FAM133A: variants seen among roughly 807,000 people sequenced by gnomAD.
The protein encoded by FAM133A is family with sequence similarity 133 member A, also known as protein FAM133A.
For synonymous variants in FAM133A, 65 were observed against 58.6 expected (o/e 1.11, Z -0.50); for missense variants, 159 against 164.4 (o/e 0.97, Z 0.18).
At position 93,709,528 on chromosome X, in the gene FAM133A, C is replaced by A; in HGVS notation, c.109C>A (p.Pro37Thr). The A allele has an allele frequency of 8.3e-7, 1 of 1,207,736 alleles. No individual in the cohort carries two copies. The highest frequency in any genetic ancestry group is 1.1e-6 in the Non-Finnish European group (1 of 894,004). ...GPTIQDYLNR[P>T]RPTWEEVKKQ... ...AACAATCCAAGATTATCTAAATCGA[C>A]CAAGACCCACCTGGGAAGAAGTAAA... The change falls in exon 4 of 4, where the codon CCA becomes ACA. Residue 37 changes from proline (P) to threonine (T), a missense_variant. Physicochemically the swap from Pro to Thr is conservative, Grantham distance 38. Coordinates refer to ENST00000683942, the MANE Select transcript of FAM133A (RefSeq NM_001171109.2).
intron 2 of FAM133A, among the ~76,000 whole-genome samples, chrX:93,688,500 A>T (rs1374359684): frequency 1.8e-5 from 2 of 111,382 alleles, no homozygotes; most frequent in Admixed American, 1.9e-4. Flanking sequence ...CATATAGATT[A>T]TAAACCCCTT....
At chrX:93,681,282 A>ATTCT (rs1925130377) in intron 2 of FAM133A, among the ~76,000 whole-genome samples, 1 of 66,263 alleles carries the variant, frequency 1.5e-5, no homozygotes, top group African/African-American at 5.6e-5. Flanking sequence ...TCTTAGATAT[A>ATTCT]TTCTGTCTAT....
chrX:93,685,093 C>T (rs1016832681), intron 2 of FAM133A, among the ~76,000 whole-genome samples: 14 of 111,908 alleles, frequency 1.3e-4, no homozygotes, highest in Admixed American at 1.9e-4. Context: ...TACTGTCCTG[C>T]TCTCCATTAT....
rs759308634 is a variant in FAM133A, at chrX:93,690,995, C to A, written c.-192-7402C>A. 2.9e-3 allele frequency among the ~76,000 whole-genome samples: 325 copies of A among 111,582 alleles called. 1 individual carries two copies. The highest frequency in any genetic ancestry group is 0.01 in the African/African-American group (314 of 30,835). On this transcript the variant is annotated intron_variant, in intron 2 of 3. Transcript: ENST00000683942. Reference sequence around the variant, plus strand: ...TGTTTTCTTTGAAGAAATATTTATTCAAGTTATTTGCCAATTTTTAATTTT... The same window carrying A: ...TGTTTTCTTTGAAGAAATATTTATTAAAGTTATTTGCCAATTTTTAATTTT...
chrX:93,707,221 C>T (rs1285077080), intron 3 of FAM133A, among the ~76,000 whole-genome samples: 1 of 111,434 alleles, frequency 9.0e-6, no homozygotes, highest in African/African-American at 3.3e-5. Flanking sequence ...ATATTTGAGA[C>T]GTGGTTAGGG....
At chrX:93,705,985 A>T (rs1432382639) in intron 3 of FAM133A, among the ~76,000 whole-genome samples, 3 of 111,466 alleles carry the variant, frequency 2.7e-5, no homozygotes, top group Non-Finnish European at 5.7e-5. Context: ...AGGTCTCTAC[A>T]TTCTCACCTT....
intron 3 of FAM133A, among the ~76,000 whole-genome samples, chrX:93,705,610 T>C (rs553522405): frequency 9.0e-6 from 1 of 111,296 alleles, no homozygotes; most frequent in African/African-American, 3.3e-5. Flanking sequence ...TGAATGAAAA[T>C]GAAGGCTATT....
intron 3 of FAM133A, among the ~76,000 whole-genome samples, chrX:93,702,850 AAAAAAAAAAAAAAAAAAAAAC>A (rs1414311907): frequency 1.0e-5 from 1 of 98,414 alleles, no homozygotes; most frequent in Non-Finnish European, 2.0e-5. Flanking sequence ...AAAAAAAAAA[AAAAAAAAAAAAAAAAAAAAAC>A]AACACTAGAC....
intron 2 of FAM133A, among the ~76,000 whole-genome samples, chrX:93,675,128 ATTGT>A (rs1924586889): frequency 1.8e-5 from 2 of 112,216 alleles, no homozygotes; most frequent in South Asian, 7.3e-4. Context: ...ATTTACTTTT[ATTGT>A]TTATCTCTAA....
chrX:93,695,634 CT>C (rs759503397), intron 2 of FAM133A, among the ~76,000 whole-genome samples: 26 of 48,367 alleles, frequency 5.4e-4, no homozygotes, highest in South Asian at 3.9e-3. Flanking sequence ...CAGGAATCTG[CT>C]TTTTTTTTTT....
At chrX:93,688,237 C>T (rs1235168435) in intron 2 of FAM133A, among the ~76,000 whole-genome samples, 1 of 109,485 alleles carries the variant, frequency 9.1e-6, no homozygotes, top group Admixed American at 9.8e-5. Context: ...TAAGGCACCA[C>T]CAAACTGTTT....
intron 2 of FAM133A, among the ~76,000 whole-genome samples, chrX:93,688,148 CTT>C (rs1339136555): frequency 1.0e-4 from 10 of 98,513 alleles, no homozygotes; most frequent in Admixed American, 2.2e-4. Flanking sequence ...ATTTTTCTTT[CTT>C]TTTTTTTTTT....
chrX:93,674,170 C>G (rs1924505581), upstream of FAM133A: 1 of 110,848 alleles, frequency 9.0e-6, no homozygotes, highest in Non-Finnish European at 1.9e-5. Flanking sequence ...AGGGACTAGA[C>G]AGCAGGCGTA....
At chrX:93,689,050 ATTT>A (rs35627093) in intron 2 of FAM133A, among the ~76,000 whole-genome samples, 2 of 96,958 alleles carry the variant, frequency 2.1e-5, no homozygotes, top group African/African-American at 3.8e-5. Context: ...GGTAACAGCA[ATTT>A]TTTTTTTTTT....
chrX:93,703,431 G>C (rs1371738464), intron 3 of FAM133A, among the ~76,000 whole-genome samples: 1 of 110,947 alleles, frequency 9.0e-6, no homozygotes, highest in Non-Finnish European at 1.9e-5. Context: ...TGTCAGTACT[G>C]GTTCATTAGT....
chrX:93,680,247 T>C (rs1363743010), intron 2 of FAM133A, among the ~76,000 whole-genome samples: 1 of 111,120 alleles, frequency 9.0e-6, no homozygotes. Context: ...TTCTCCAGAT[T>C]TGTCTATGTT....
At position 93,680,570 on chromosome X, in the gene FAM133A, T is replaced by C. The variant is rs1925069232; in HGVS notation, c.-193+5818T>C. On this transcript the variant is annotated intron_variant, in intron 2 of 3. Transcript: ENST00000683942. ...CTAATCCACATTACCAGCAACAGTT[T>C]ACAAGGGTTAACTTTTCTCCATATC... 3.6e-5 allele frequency among the ~76,000 whole-genome samples: 4 copies of C among 111,528 alleles called. No homozygotes were observed. The Admixed American group carries it at 3.8e-4, about 11-fold the overall frequency.
At chrX:93,693,497 C>A (rs181308420) in intron 2 of FAM133A, among the ~76,000 whole-genome samples, 1 of 111,445 alleles carries the variant, frequency 9.0e-6, no homozygotes, top group East Asian at 2.8e-4. Context: ...ACAATTCTAA[C>A]AATATGAAAT....
intron 2 of FAM133A, among the ~76,000 whole-genome samples, chrX:93,693,887 G>A (rs894143930): frequency 9.0e-6 from 1 of 111,369 alleles, no homozygotes; most frequent in East Asian, 2.8e-4. Flanking sequence ...CAGTGTAAAA[G>A]GTTGAATAAA....
Sources: allele counts gnomAD v4.1 joint callset (sites outside exome capture counted in the v4.1 genomes callset), GRCh38; gene constraint gnomAD v4.1.1; transcripts MANE v1.5; gene names NCBI Gene and HGNC (gene_info 2026-07-23, HGNC 2026-07-21).